The following PHKA2 variants were observed in gnomAD, a reference collection of about 807,000 sequenced individuals.
The protein encoded by PHKA2 is phosphorylase b kinase regulatory subunit alpha, liver isoform.
A neutral mutation model predicts 102.0 loss-of-function variants in PHKA2; 31 were observed. The observed-to-expected ratio is 0.30, with a 90% CI of 0.23 to 0.41. PHKA2 has a LOEUF of 0.41. PHKA2 is among the 10% of genes least tolerant of loss of function. The probability of loss-of-function intolerance (pLI) is 1.00; values close to 1 mark genes in which losing one functional copy is unlikely to be tolerated. For synonymous variants in PHKA2, 455 were observed against 416.2 expected (o/e 1.09, Z -1.13); for missense variants, 858 against 1,023.1 (o/e 0.84, Z 2.20).
At chrX:18,926,404 C>A (rs2048210688) in intron 14 of PHKA2, 49 bp downstream of exon 14, 2 of 1,075,969 alleles carry the variant, frequency 1.9e-6, no homozygotes, top group East Asian at 6.0e-5. Context: ...AAATCTAGAA[C>A]CGAGATGCCC....
At chrX:18,960,886 G>T (rs971203794) in intron 1 of PHKA2, among the ~76,000 whole-genome samples, 2 of 112,585 alleles carry the variant, frequency 1.8e-5, no homozygotes, top group African/African-American at 6.5e-5. Context: ...GAACAGAACA[G>T]AGTCTAGAAA....
intron 1 of PHKA2, 121 bp downstream of exon 1, chrX:18,983,734 G>C: frequency 6.3e-6 from 4 of 630,107 alleles, no homozygotes; most frequent in Non-Finnish European, 8.2e-6. Context: ...GCAAGGACTA[G>C]ATTCAAATAG....
intron 22 of PHKA2, among the ~76,000 whole-genome samples, chrX:18,907,693 A>G (rs2047846472): frequency 8.9e-6 from 1 of 111,956 alleles, no homozygotes; most frequent in African/African-American, 3.3e-5. Context: ...TAGCCAAGAA[A>G]GAACAAAACC....
chrX:18,900,338 T>C (rs991792185), intron 28 of PHKA2, among the ~76,000 whole-genome samples: 3 of 111,651 alleles, frequency 2.7e-5, no homozygotes, highest in Non-Finnish European at 5.6e-5. Flanking sequence ...TTCTTTCTAC[T>C]GATATAACCA....
intron 1 of PHKA2, among the ~76,000 whole-genome samples, chrX:18,983,602 A>G (rs1303852867): frequency 1.8e-5 from 2 of 112,361 alleles, no homozygotes; most frequent in African/African-American, 6.5e-5. Flanking sequence ...CCGGGCACGG[A>G]GGCGGCTCAT....
chrX:18,924,640 A>T, intron 15 of PHKA2, 115 bp from the exon 16 acceptor site: 1 of 709,327 alleles, frequency 1.4e-6, no homozygotes, highest in Non-Finnish European at 2.2e-6. Flanking sequence ...GAGGCTCAGT[A>T]CTCGTTTCAA....
chrX:18,926,651 T>C (rs768093338), intron 13 of PHKA2, 64 bp from the exon 14 acceptor site: 2 of 1,052,180 alleles, frequency 1.9e-6, no homozygotes, highest in Admixed American at 2.2e-5. Context: ...TGGACACGTG[T>C]TCCTTACTGC....
At chrX:18,932,003 C>T (rs377542535) in intron 11 of PHKA2, among the ~76,000 whole-genome samples, 3 of 112,296 alleles carry the variant, frequency 2.7e-5, no homozygotes, top group African/African-American at 6.5e-5. Flanking sequence ...CCACGAGCAC[C>T]GGATGCCTGG....
At chrX:18,983,578 G>T (rs903071560) in intron 1 of PHKA2, among the ~76,000 whole-genome samples, 2 of 112,249 alleles carry the variant, frequency 1.8e-5, no homozygotes, top group African/African-American at 6.5e-5. Flanking sequence ...AATGCAAAAA[G>T]AGGCAGTTTG....
At chrX:18,905,419 C>T (rs1027735727) in intron 26 of PHKA2, among the ~76,000 whole-genome samples, 1 of 111,863 alleles carries the variant, frequency 8.9e-6, no homozygotes, top group African/African-American at 3.3e-5. Flanking sequence ...TCGTCATCCG[C>T]CCACCTCAGC....
Position 18,951,111 on chromosome X carries a change from G to A in PHKA2, c.447C>T (p.Thr149=), listed in dbSNP as rs145847640. Residue 149 remains threonine, a synonymous_variant, in exon 4 of 33, where the codon ACC becomes ACT. Transcript: ENST00000379942. ...CCAGCAACCCCAGCTCACCTGAGGCGGTCATCTGGGCCAGGAACAGGAGGA... is the reference window on the plus strand; with the variant it reads ...CCAGCAACCCCAGCTCACCTGAGGCAGTCATCTGGGCCAGGAACAGGAGGA... ...SLFLLFLAQM[T]ASGLRIIFTL... 3.1e-5 allele frequency: 38 copies of A among 1,210,042 alleles called. No individual in the cohort carries two copies. The highest frequency in any genetic ancestry group is 1.4e-4 in the South Asian group (8 of 56,869).
At position 18,905,792 on chromosome X, in the gene PHKA2, A is replaced by G; in HGVS notation, c.2874T>C (p.Ile958=). ...PFDMKNLLHH[I]LSGKEFGVER... is the part of the protein sequence containing the mutation. Reference sequence around the variant, plus strand: ...CAACGCCAAACTCTTTCCCACTTAGAATATGGTGCAGGAGATTTTTCATAT... The same window carrying G: ...CAACGCCAAACTCTTTCCCACTTAGGATATGGTGCAGGAGATTTTTCATAT... Residue 958 remains isoleucine (I), a synonymous_variant, in exon 26 of 33, where the codon ATT becomes ATC. Coordinates refer to ENST00000379942, the MANE Select transcript of PHKA2 (RefSeq NM_000292.3). 8.3e-7 allele frequency: 1 copy of G among 1,207,517 alleles called. No homozygotes were observed. Among genetic ancestry groups the G allele is most frequent in the Non-Finnish European group, 1.1e-6 (1 of 891,536 alleles).
In PHKA2 at chrX:18,945,140, G is replaced by A. The variant is rs137852294; in HGVS notation, c.556C>T (p.Arg186Cys). ...ATGCCCTGATTAGTCTTATCTCCACGCTCCCACATTCCATAATCCTGGGGG... is the reference window on the plus strand; with the variant it reads ...ATGCCCTGATTAGTCTTATCTCCACACTCCCACATTCCATAATCCTGGGGG... Reference protein sequence around the residue: ...YKVADYGMWERGDKTNQGIPE... With the variant: ...YKVADYGMWECGDKTNQGIPE... Residue 186 changes from arginine (R) to cysteine (C), a missense_variant, in exon 6 of 33, where the codon CGT becomes TGT. Transcript: ENST00000379942. 1 of 1,193,088 alleles carries A rather than the reference G, an allele frequency of 8.4e-7. No individual in the cohort carries two copies. The highest frequency in any genetic ancestry group is 1.1e-6 in the Non-Finnish European group (1 of 878,580).
At chrX:18,954,866 C>T (rs1439817094) in intron 1 of PHKA2, among the ~76,000 whole-genome samples, 1 of 112,226 alleles carries the variant, frequency 8.9e-6, no homozygotes, top group Non-Finnish European at 1.9e-5. Flanking sequence ...CGCTCTCTAG[C>T]TGTGTGTGCC....
intron 17 of PHKA2, among the ~76,000 whole-genome samples, chrX:18,923,107 T>C (rs772734659): frequency 2.0e-5 from 2 of 100,571 alleles, no homozygotes; most frequent in East Asian, 6.3e-4. Flanking sequence ...TGGAGTGCAG[T>C]GGTATGATCT....
chrX:18,894,786 T>G, intron 31 of PHKA2: 1 of 371,250 alleles, frequency 2.7e-6, no homozygotes. Context: ...CTAGGGACGA[T>G]TACTGTTTTT....
intron 1 of PHKA2, among the ~76,000 whole-genome samples, chrX:18,971,900 G>A (rs779013469): frequency 3.6e-5 from 4 of 112,587 alleles, no homozygotes; most frequent in African/African-American, 3.2e-5. Flanking sequence ...CTTCCAAGAC[G>A]TGATTCAAAA....
intron 26 of PHKA2, among the ~76,000 whole-genome samples, chrX:18,905,280 TCTC>T (rs758605454): frequency 1.4e-3 from 156 of 112,126 alleles, no homozygotes; most frequent in Non-Finnish European, 2.7e-3. Context: ...TTGAAGCAAT[TCTC>T]CTGCCTCAGC....
intron 26 of PHKA2, 36 bp downstream of exon 26, chrX:18,905,722 G>T: frequency 2.2e-6 from 2 of 928,222 alleles, no homozygotes; most frequent in Non-Finnish European, 1.6e-6. Context: ...AAAGGAGGCA[G>T]CTCCCTGAAG....
Sources: allele counts gnomAD v4.1 joint callset (sites outside exome capture counted in the v4.1 genomes callset), GRCh38; gene constraint gnomAD v4.1.1; transcripts MANE v1.5; gene names NCBI Gene and HGNC (gene_info 2026-07-23, HGNC 2026-07-21).